EXOC4: variants seen among roughly 807,000 people sequenced by gnomAD.
EXOC4 encodes the protein SEC8-like 1.
In EXOC4, 71 loss-of-function variants were observed where a neutral mutation model predicts 107.2. The observed-to-expected ratio is 0.66, with a 90% CI of 0.55 to 0.81. The LOEUF (loss-of-function observed/expected upper bound fraction) is 0.81, where lower values mean the gene tolerates loss of function less well. Ranked by LOEUF, EXOC4 falls within the 30% of genes least tolerant of loss-of-function variation. The pLI, the probability that EXOC4 is intolerant of heterozygous loss-of-function variation, is 0.00. For synonymous variants in EXOC4, 456 were observed against 441.2 expected (o/e 1.03, Z -0.42); for missense variants, 1,108 against 1,189.6 (o/e 0.93, Z 1.01).
chr7:133,924,369 G>C (rs1400726075), intron 13 of EXOC4, among the ~76,000 whole-genome samples: 1 of 152,050 alleles, frequency 6.6e-6, no homozygotes. Flanking sequence ...TTGACAATGG[G>C]ATTTTCCATC....
intron 3 of EXOC4, among the ~76,000 whole-genome samples, chr7:133,301,779 A>G (rs1794646504): frequency 6.6e-6 from 1 of 152,194 alleles, no homozygotes; most frequent in South Asian, 2.1e-4. Flanking sequence ...TCAACTAGAA[A>G]AATAAAAAGA....
intron 16 of EXOC4, among the ~76,000 whole-genome samples, chr7:134,006,472 C>A (rs1794645386): frequency 6.6e-6 from 1 of 152,158 alleles, no homozygotes; most frequent in East Asian, 1.9e-4. Flanking sequence ...AATAGTAACA[C>A]ATACAAGTTT....
At chr7:134,081,710 G>T in the EXOC4 span, among the ~76,000 whole-genome samples, 1 of 152,156 alleles carries the variant, frequency 6.6e-6, no homozygotes, top group African/African-American at 2.4e-5. Flanking sequence ...AGGTTCCCAG[G>T]TTTCTAGCTA....
rs1262532577 is a variant in EXOC4 at position 133,630,137 on chromosome 7, C to T, written c.1510C>T (p.Leu504=). 3.1e-6 allele frequency: 5 copies of T among 1,610,912 alleles called. No homozygotes were observed. In the East Asian group the frequency reaches 6.7e-5, roughly 22 times the overall value. The change falls in exon 10 of 18, where the codon CTA becomes TTA. Residue 504 remains leucine, a synonymous_variant. Coordinates refer to ENST00000253861, the MANE Select transcript of EXOC4 (RefSeq NM_021807.4). ...CATTACCGTCATATTCCACCCATTACTAAGGTAAGTCAAGTGCTATGATAT... is the reference window on the plus strand; with the variant it reads ...CATTACCGTCATATTCCACCCATTATTAAGGTAAGTCAAGTGCTATGATAT... ...RNITVIFHPL[L]RFIQEIEHAL... is the part of the protein sequence containing the mutation.
intron 9 of EXOC4, among the ~76,000 whole-genome samples, chr7:133,626,026 G>C (rs1224680622): frequency 1.3e-5 from 2 of 152,116 alleles, no homozygotes; most frequent in African/African-American, 4.8e-5. Flanking sequence ...GGCCAACGTG[G>C]TGAAACCCTG....
intron 7 of EXOC4, among the ~76,000 whole-genome samples, chr7:133,386,155 G>C (rs1366696741): frequency 6.6e-6 from 1 of 151,946 alleles, no homozygotes; most frequent in Non-Finnish European, 1.5e-5. Context: ...CAAATATTTT[G>C]ATAAAGGCAC....
chr7:133,917,880 G>A, intron 13 of EXOC4, 142 bp downstream of exon 13: 1 of 776,546 alleles, frequency 1.3e-6, no homozygotes, highest in South Asian at 2.3e-5. Flanking sequence ...TTTTCCTCCT[G>A]TCTCACCTCA....
intron 14 of EXOC4, among the ~76,000 whole-genome samples, chr7:133,971,402 AAAGAG>A (rs1801233417): frequency 2.6e-5 from 3 of 115,406 alleles, no homozygotes; most frequent in Non-Finnish European, 3.7e-5. Context: ...AGAGAGAGAG[AAAGAG>A]AGAGAGAATA....
the EXOC4 span, among the ~76,000 whole-genome samples, chr7:134,099,939 G>A: frequency 3.3e-5 from 5 of 151,654 alleles, no homozygotes; most frequent in Middle Eastern, 3.4e-3. Flanking sequence ...ACTGCTGACC[G>A]TAGGTGACCC....
intron 11 of EXOC4, among the ~76,000 whole-genome samples, chr7:133,825,961 A>G (rs935301541): frequency 2.6e-5 from 4 of 152,210 alleles, no homozygotes; most frequent in Admixed American, 2.0e-4. Flanking sequence ...ATCGATACCT[A>G]AAGAAACATT....
intron 1 of EXOC4, among the ~76,000 whole-genome samples, chr7:133,268,338 G>A (rs5008332): frequency 0.15 from 22,819 of 152,158 alleles, 3,559 homozygotes; most frequent in African/African-American, 0.39. Context: ...CTTTCTTGGT[G>A]TATTCCTAAT....
intron 7 of EXOC4, among the ~76,000 whole-genome samples, chr7:133,434,977 T>C (rs1797936342): frequency 6.6e-6 from 1 of 152,208 alleles, no homozygotes; most frequent in Non-Finnish European, 1.5e-5. Flanking sequence ...AGGAATCTGA[T>C]TTTCAGTGTG....
chr7:133,392,563 C>T (rs781413546), intron 7 of EXOC4, among the ~76,000 whole-genome samples: 6 of 152,040 alleles, frequency 3.9e-5, no homozygotes, highest in Non-Finnish European at 8.8e-5. Context: ...TTTATTTTCC[C>T]CTCTTCCCCC....
At chr7:133,935,606 C>A (rs1800281824) in intron 13 of EXOC4, among the ~76,000 whole-genome samples, 1 of 152,164 alleles carries the variant, frequency 6.6e-6, no homozygotes, top group Non-Finnish European at 1.5e-5. Flanking sequence ...TACCTAAATT[C>A]ATTCATCATC....
chr7:133,948,569 G>A (rs988947634), intron 14 of EXOC4, among the ~76,000 whole-genome samples: 28 of 152,104 alleles, frequency 1.8e-4, no homozygotes, highest in African/African-American at 6.3e-4. Flanking sequence ...GGAAAATGTA[G>A]CAAAGGGGCG....
chr7:133,655,652 A>G (rs1236974391), intron 10 of EXOC4, among the ~76,000 whole-genome samples: 2 of 152,192 alleles, frequency 1.3e-5, no homozygotes, highest in African/African-American at 2.4e-5. Context: ...CAATATCACT[A>G]TCTTCCACCT....
chr7:133,320,546 A>G (rs561432060), intron 5 of EXOC4, among the ~76,000 whole-genome samples: 3 of 152,256 alleles, frequency 2.0e-5, no homozygotes, highest in African/African-American at 7.2e-5. Flanking sequence ...TCCCATCTCA[A>G]GGTCCTTAAC....
intron 10 of EXOC4, among the ~76,000 whole-genome samples, chr7:133,715,614 ATTTTC>A (rs1178378873): frequency 6.6e-6 from 1 of 152,002 alleles, no homozygotes; most frequent in African/African-American, 2.4e-5. Context: ...AATATAGGAA[ATTTTC>A]TTTTCTTTTT....
At chr7:133,432,988 C>T (rs1459517061) in intron 7 of EXOC4, among the ~76,000 whole-genome samples, 1 of 152,190 alleles carries the variant, frequency 6.6e-6, no homozygotes, top group Non-Finnish European at 1.5e-5. Context: ...AATGAAACTC[C>T]TAATCATGTC....
Sources: gnomAD v4.1 joint callset for allele counts (sites outside exome capture counted in the v4.1 genomes callset) on GRCh38, gnomAD v4.1.1 for gene constraint, MANE v1.5 for transcripts, NCBI Gene and HGNC (gene_info 2026-07-23, HGNC 2026-07-21) for gene names.